PEX6: variants seen among roughly 807,000 people sequenced by gnomAD.
PEX6 encodes the protein peroxisome biogenesis factor 6.
In PEX6, 55 loss-of-function variants were observed where a neutral mutation model predicts 85.6. That is an observed-to-expected ratio of 0.64 (90% CI 0.52 to 0.80). PEX6 has a LOEUF of 0.80. PEX6 is among the 30% of genes least tolerant of loss of function. PEX6 has a pLI of 0.00. For missense variants in PEX6, 1,099 were observed against 1,260.3 expected (o/e 0.87, Z 1.94); for synonymous variants, 519 against 549.1 (o/e 0.95, Z 0.77).
In PEX6 at chr6:42,964,016, G is replaced by A. The variant is rs736158; in HGVS notation, c.*319C>T. 0.069 allele frequency: 38,585 copies of A among 558,780 alleles called. 2,054 individuals carry two copies. The highest frequency in any genetic ancestry group is 0.17 in the Admixed American group (5,415 of 32,642). 34.6% of individuals were successfully genotyped at this position (558,780 alleles called of 1,614,324 possible). On this transcript the variant is annotated 3_prime_UTR_variant, in exon 17 of 17. Transcript: ENST00000304611. This position sits in a 1 kb window ranked among gnomAD's most constrained non-coding sequence, Gnocchi z 4.6. ...TCATGCCACAACACCAGTAGGGGGC[G>A]GGACATGCTTTATTTTCAGCCACAG... is the stretch of plus-strand genomic sequence containing the variant.
chr6:42,978,639 C>A lies in PEX6; in HGVS notation c.512G>T (p.Gly171Val). The A allele has an allele frequency of 3.2e-6, 5 of 1,583,698 alleles. No homozygotes were observed. The highest frequency in any genetic ancestry group is 1.3e-5 in the African/African-American group (1 of 74,444). The change falls in exon 1 of 17, where the codon GGG becomes GTG. Residue 171 changes from glycine to valine, a missense_variant. By Grantham distance (109) the Gly-to-Val change is moderately radical. Coordinates refer to ENST00000304611, the MANE Select transcript of PEX6 (RefSeq NM_000287.4). ...CGGGGGTGGGGGCCGACTGCTGTCC[C>A]CAGACTCTGGACACAGTCTGGCCCG... ...RGRARLCPES[G>V]DSSRPPPPPV...
intron 3 of PEX6, among the ~76,000 whole-genome samples, chr6:42,972,785 AAAAG>A (rs1258429504): frequency 1.0e-4 from 15 of 142,898 alleles, no homozygotes; most frequent in Admixed American, 1.4e-4. Flanking sequence ...AAAAAAAAAA[AAAAG>A]AGAAATCCCT....
In PEX6 at chr6:42,966,035, C is replaced by T. The variant is rs765633113; in HGVS notation, c.2362+9G>A. The T allele has an allele frequency of 5.6e-6, 9 of 1,613,400 alleles. No individual in the cohort carries two copies. Among genetic ancestry groups the T allele is most frequent in the Non-Finnish European group, 7.6e-6 (9 of 1,179,922 alleles). ...GCATGGGACGCCCTGCCCCTCCCTG[C>T]TCACTCACCTTCCCGCACATTCTCC... On this transcript the variant is annotated intron_variant, in intron 12 of 16. Transcript: ENST00000304611.
chr6:42,964,484 A>G lies in PEX6; in HGVS notation c.2807-13T>C. The G allele has an allele frequency of 6.2e-7, 1 of 1,612,834 alleles. No homozygotes were observed. Among genetic ancestry groups the G allele is most frequent in the Non-Finnish European group, 8.5e-7 (1 of 1,179,930 alleles). ...CCTGGCTCCAGCCCTGGAGATGACAAGGTGGGGAGGCTGTGGTCTATGCCC... is the reference window on the plus strand; with the variant it reads ...CCTGGCTCCAGCCCTGGAGATGACAGGGTGGGGAGGCTGTGGTCTATGCCC... On this transcript the variant is annotated splice_polypyrimidine_tract_variant and intron_variant, in intron 16 of 16. Coordinates refer to ENST00000304611, the MANE Select transcript of PEX6 (RefSeq NM_000287.4). The surrounding 1 kb of genome is among the most constrained non-coding windows in gnomAD (Gnocchi z 4.6).
At chr6:42,977,905 G>C (rs1770371342) in intron 1 of PEX6, among the ~76,000 whole-genome samples, 1 of 145,472 alleles carries the variant, frequency 6.9e-6, no homozygotes, top group African/African-American at 2.6e-5. Flanking sequence ...GTCCAATGGC[G>C]CGATCTTGGC....
Position 42,968,122 on chromosome 6 carries a change from T to A in PEX6, c.1688+168A>T, listed in dbSNP as rs530221688. Among the ~76,000 whole-genome samples, 254 of 152,162 alleles carry A rather than the reference T, an allele frequency of 1.7e-3. 1 individual carries two copies. The highest frequency in any genetic ancestry group is 5.8e-3 in the African/African-American group (239 of 41,506). ...CCACCACACCCAGCTAATTTTTGTATTTTTAGTAGAGACAGGGTTTCACCA... is the reference window on the plus strand; with the variant it reads ...CCACCACACCCAGCTAATTTTTGTAATTTTAGTAGAGACAGGGTTTCACCA... On this transcript the variant is annotated intron_variant, in intron 7 of 16. Coordinates refer to ENST00000304611, the MANE Select transcript of PEX6 (RefSeq NM_000287.4).
In PEX6 at chr6:42,978,394, C is replaced by T. The variant is rs1259137255; in HGVS notation, c.757G>A (p.Asp253Asn). Residue 253 changes from aspartate to asparagine, a missense_variant, in exon 1 of 17, where the codon GAT (aspartate) becomes AAT (asparagine). Transcript: ENST00000304611. ...GGTCCAGAGCCGGGTCCCAGTCTATCAGAGAGGTCCCAGCGAGGTTCTAGG... is the reference window on the plus strand; with the variant it reads ...GGTCCAGAGCCGGGTCCCAGTCTATTAGAGAGGTCCCAGCGAGGTTCTAGG... The part of the protein sequence containing the change: ...QVLEPRWDLS[D>N]RLGPGSGPLG... 3 of 1,614,220 alleles carry T rather than the reference C, an allele frequency of 1.9e-6. No homozygotes were observed. In the Admixed American group the frequency reaches 5.0e-5, roughly 27 times the overall value.
chr6:42,965,623 T>G lies in PEX6; in HGVS notation c.2471+58A>C, dbSNP rs1466377678. 13 of 1,217,288 alleles carry G rather than the reference T, an allele frequency of 1.1e-5. No homozygotes were observed. Among genetic ancestry groups the G allele is most frequent in the Non-Finnish European group, 1.6e-5 (13 of 817,860 alleles). 75.4% of individuals were successfully genotyped at this position (1,217,288 alleles called of 1,614,324 possible). A position where few individuals can be genotyped will look rare whatever the true frequency, so the allele number is the denominator to read the frequency against. ...CTGGACTCTGAAGACTGCTGTGAGC[T>G]TTCTCATATCCTTCCCACCCTGGAC... On this transcript the variant is annotated intron_variant, in intron 13 of 16. Transcript: ENST00000304611. This position sits in a 1 kb window ranked among gnomAD's most constrained non-coding sequence, Gnocchi z 5.0.
chr6:42,965,675 C>A lies in PEX6; in HGVS notation c.2471+6G>T, dbSNP rs753503953. The A allele has an allele frequency of 6.2e-7, 1 of 1,602,202 alleles. No homozygotes were observed. Among genetic ancestry groups the A allele is most frequent in the South Asian group, 1.1e-5 (1 of 90,834 alleles). On this transcript the variant is annotated splice_donor_region_variant and intron_variant, in intron 13 of 16. Transcript: ENST00000304611. This position sits in a 1 kb window ranked among gnomAD's most constrained non-coding sequence, Gnocchi z 5.0. ...CCTCAGCTTTCATTCCCACTCAGAC[C>A]CCTACCTGTCCATCACTCCTCCAGA...
chr6:42,963,877 T>C lies in PEX6; in HGVS notation c.*458A>G. 1 of 638,156 alleles carries C rather than the reference T, an allele frequency of 1.6e-6. No individual in the cohort carries two copies. The allele number at this position is 638,156 out of a possible 1,614,324, so 39.5% of individuals were successfully genotyped here. On this transcript the variant is annotated 3_prime_UTR_variant, in exon 17 of 17. Transcript: ENST00000304611. ...AAACAATATAGTCTTTTTCAGTTCC[T>C]GCATGCATTGTGTTTATTTATGTCA...
Position 42,969,814 on chromosome 6 carries a change from A to T in PEX6, c.1234-13T>A. 1 of 1,614,024 alleles carries T rather than the reference A, an allele frequency of 6.2e-7. No homozygotes were observed. Among genetic ancestry groups the T allele is most frequent in the South Asian group, 1.1e-5 (1 of 91,078 alleles). On this transcript the variant is annotated splice_polypyrimidine_tract_variant and intron_variant, in intron 4 of 16. Transcript: ENST00000304611. ...GGGTAGAACCCACCTGTGAAAGGTA[A>T]TAAAAAGCTTTCGTTTCTAAAAATC... is the stretch of plus-strand genomic sequence containing the variant.
At position 42,964,774 on chromosome 6, in the gene PEX6, C is replaced by A; in HGVS notation, c.2806+16G>T. ...CTAGCTTTTTGGTTGACCTCTCAGA[C>A]CGGCAAGTGGCTCACCTTCCTCCAG... On this transcript the variant is annotated intron_variant, in intron 16 of 16. Coordinates refer to ENST00000304611, the MANE Select transcript of PEX6 (RefSeq NM_000287.4). The surrounding 1 kb of genome is among the most constrained non-coding windows in gnomAD (Gnocchi z 4.6). 6.2e-7 allele frequency: 1 copy of A among 1,614,014 alleles called. No homozygotes were observed. The highest frequency in any genetic ancestry group is 8.5e-7 in the Non-Finnish European group (1 of 1,180,004).
chr6:42,969,836 A>G, intron 4 of PEX6, 35 bp from the exon 5 acceptor site: 1 of 1,613,942 alleles, frequency 6.2e-7, no homozygotes, highest in Non-Finnish European at 8.5e-7. Flanking sequence ...CGTTTCTAAA[A>G]ATCGTTTCTA....
At chr6:42,975,072 C>T in intron 1 of PEX6, 34 bp from the exon 2 acceptor site, 3 of 1,568,634 alleles carry the variant, frequency 1.9e-6, no homozygotes, top group Non-Finnish European at 1.8e-6. Context: ...TTATAACCTT[C>T]TCCTAAGGGG....
At chr6:42,967,633 A>G (rs1769889739) in intron 7 of PEX6, 70 bp from the exon 8 acceptor site, 3 of 1,451,814 alleles carry the variant, frequency 2.1e-6, no homozygotes, top group Non-Finnish European at 2.8e-6. Context: ...CCTTGTCCCA[A>G]AGTCGGCACA....
Position 42,972,074 on chromosome 6 carries a change from C to A in PEX6, c.1130+1929G>T, listed in dbSNP as rs1013785613. On this transcript the variant is annotated intron_variant, in intron 3 of 16. Transcript: ENST00000304611. The stretch of plus-strand genomic sequence containing the variant: ...GAGACTGGGGGTACTGAGCACTGGC[C>A]AGAACCAAGCACTGGATATTGACCA... Among the ~76,000 whole-genome samples the A allele has an allele frequency of 2.0e-5, 3 of 146,774 alleles. No individual in the cohort carries two copies. In the Admixed American group the frequency reaches 2.1e-4, roughly 10 times the overall value.
rs573270418 is a variant in PEX6, at chr6:42,964,982, G to A, written c.2667-53C>T. The A allele has an allele frequency of 2.0e-3, 3,256 of 1,613,680 alleles. 24 individuals carry two copies. The highest frequency in any genetic ancestry group is 0.013 in the South Asian group (1,159 of 91,074). The stretch of plus-strand genomic sequence containing the variant: ...GTTGGCATCACCTCCTCCCTCGAAA[G>A]CCAGTGCTGACCAGCTCATCCTGCA... On this transcript the variant is annotated intron_variant, in intron 15 of 16. Coordinates refer to ENST00000304611, the MANE Select transcript of PEX6 (RefSeq NM_000287.4). This position sits in a 1 kb window ranked among gnomAD's most constrained non-coding sequence, Gnocchi z 4.6.
At position 42,965,970 on chromosome 6, in the gene PEX6, G is replaced by T; in HGVS notation, c.2362+74C>A. On this transcript the variant is annotated intron_variant, in intron 12 of 16. Transcript: ENST00000304611. The surrounding 1 kb of genome is among the most constrained non-coding windows in gnomAD (Gnocchi z 5.0). Reference sequence around the variant, plus strand: ...GATTAGGAATGATCATGAGTAGCCTGGGAGTAGGGGGTGGCTTGGGGGCCA... The same window carrying T: ...GATTAGGAATGATCATGAGTAGCCTTGGAGTAGGGGGTGGCTTGGGGGCCA... The T allele has an allele frequency of 2.0e-6, 3 of 1,509,390 alleles. No homozygotes were observed. Among genetic ancestry groups the T allele is most frequent in the Non-Finnish European group, 1.8e-6 (2 of 1,086,538 alleles). The allele number at this position is 1,509,390 out of a possible 1,614,324, so 93.5% of individuals were successfully genotyped here. A position where few individuals can be genotyped will look rare whatever the true frequency, so the allele number is the denominator to read the frequency against.
intron 3 of PEX6, among the ~76,000 whole-genome samples, chr6:42,972,066 G>A (rs1190802822): frequency 6.6e-6 from 1 of 151,054 alleles, no homozygotes; most frequent in African/African-American, 2.4e-5. Context: ...GGGGTACTGA[G>A]CACTGGCCAG....
Sources: allele counts gnomAD v4.1 joint callset (sites outside exome capture counted in the v4.1 genomes callset), GRCh38; gene constraint gnomAD v4.1.1; non-coding constraint Gnocchi (gnomAD v3.1); transcripts MANE v1.5; gene names NCBI Gene and HGNC (gene_info 2026-07-23, HGNC 2026-07-21).